Variants in BLTP3A observed in about 807,000 individuals in gnomAD.
BLTP3A encodes ICBP90 binding protein 1.
At chr6:34,829,481 T>C in the BLTP3A span, among the ~76,000 whole-genome samples, 1 of 152,246 alleles carries the variant, frequency 6.6e-6, no homozygotes, top group Non-Finnish European at 1.5e-5. Flanking sequence ...TATACTCATT[T>C]GCTTCCGGCT....
At chr6:34,853,621 C>T in the BLTP3A span, among the ~76,000 whole-genome samples, 5 of 152,018 alleles carry the variant, frequency 3.3e-5, no homozygotes, top group East Asian at 3.9e-4. Flanking sequence ...AGTGCAATGG[C>T]GCCATCTCAG....
At chr6:34,795,736 A>G in the BLTP3A span, among the ~76,000 whole-genome samples, 1 of 152,176 alleles carries the variant, frequency 6.6e-6, no homozygotes, top group African/African-American at 2.4e-5. Flanking sequence ...TTTTAGCAGT[A>G]TATGCTTACA....
the BLTP3A span, among the ~76,000 whole-genome samples, chr6:34,796,175 C>T: frequency 6.6e-6 from 1 of 152,168 alleles, no homozygotes; most frequent in African/African-American, 2.4e-5. Context: ...GCTGATGATG[C>T]CATTTGACCT....
chr6:34,837,527 A>AT, the BLTP3A span, among the ~76,000 whole-genome samples: 26 of 151,880 alleles, frequency 1.7e-4, no homozygotes, highest in African/African-American at 6.0e-4. Context: ...CTTAAAAAAA[A>AT]ATTAGCCAGG....
chr6:34,833,877 G>A, the BLTP3A span, among the ~76,000 whole-genome samples: 45 of 141,378 alleles, frequency 3.2e-4, no homozygotes, highest in African/African-American at 1.0e-3. Flanking sequence ...GGCCGAGATC[G>A]CGCCACTGCA....
At chr6:34,847,247 A>G in the BLTP3A span, among the ~76,000 whole-genome samples, 11 of 150,968 alleles carry the variant, frequency 7.3e-5, no homozygotes, top group African/African-American at 2.4e-4. Flanking sequence ...TTTTTTTTCC[A>G]AGAACACTTT....
At chr6:34,827,286 G>A in the BLTP3A span, among the ~76,000 whole-genome samples, 1 of 151,778 alleles carries the variant, frequency 6.6e-6, no homozygotes, top group African/African-American at 2.4e-5. Context: ...ACTCCAGCCT[G>A]GTGACAGAGT....
chr6:34,792,428 C>G, the BLTP3A span: 9 of 902,390 alleles, frequency 1.0e-5, no homozygotes, highest in Non-Finnish European at 1.4e-5. Context: ...CAGCCCCTGC[C>G]TAACTCGAGC....
the BLTP3A span, among the ~76,000 whole-genome samples, chr6:34,798,752 A>G: frequency 5.3e-5 from 8 of 152,040 alleles, no homozygotes; most frequent in Admixed American, 3.9e-4. Context: ...GTAATGTTCA[A>G]ATTACAAAGG....
chr6:34,822,985 G>A, the BLTP3A span, among the ~76,000 whole-genome samples: 1 of 152,074 alleles, frequency 6.6e-6, no homozygotes. Context: ...CCTACAACTT[G>A]GATTTGTGTT....
At chr6:34,823,272 G>C in the BLTP3A span, 3 of 1,614,094 alleles carry the variant, frequency 1.9e-6, no homozygotes, top group South Asian at 3.3e-5. Flanking sequence ...GGATAAGGTA[G>C]AGGTGGAGAT....
the BLTP3A span, among the ~76,000 whole-genome samples, chr6:34,827,036 G>A: frequency 1.3e-5 from 2 of 152,140 alleles, no homozygotes; most frequent in Admixed American, 1.3e-4. Context: ...AAATAGGCCG[G>A]GCTCAGTGGC....
the BLTP3A span, among the ~76,000 whole-genome samples, chr6:34,800,075 C>CT: frequency 8.0e-4 from 117 of 147,116 alleles, no homozygotes; most frequent in Middle Eastern, 3.5e-3. Flanking sequence ...TCCTATTTAT[C>CT]TTTTTTTTTT....
the BLTP3A span, among the ~76,000 whole-genome samples, chr6:34,808,777 A>C: frequency 5.3e-5 from 8 of 152,166 alleles, 1 homozygote; most frequent in South Asian, 1.7e-3. Context: ...ACAGGGTTTC[A>C]TCATGTTGCC....
At chr6:34,862,912 CT>C in the BLTP3A span, among the ~76,000 whole-genome samples, 89 of 139,530 alleles carry the variant, frequency 6.4e-4, no homozygotes, top group Admixed American at 6.5e-4. Context: ...TGATAATTTG[CT>C]TTTTTTTTTT....
the BLTP3A span, among the ~76,000 whole-genome samples, chr6:34,801,838 C>T: frequency 6.6e-6 from 1 of 152,142 alleles, no homozygotes; most frequent in African/African-American, 2.4e-5. Flanking sequence ...TCCCGGTTCA[C>T]GCCATTCTCC....
At chr6:34,853,517 G>A in the BLTP3A span, among the ~76,000 whole-genome samples, 9 of 151,918 alleles carry the variant, frequency 5.9e-5, no homozygotes, top group African/African-American at 2.2e-4. Context: ...ACTGGAGGGG[G>A]TGTGTTTGGC....
chr6:34,834,380 C>T, the BLTP3A span: 21 of 1,613,348 alleles, frequency 1.3e-5, no homozygotes, highest in Admixed American at 1.0e-4. Flanking sequence ...TCGCCTTACC[C>T]GCATCACTGA....
At chr6:34,834,280 C>T in the BLTP3A span, 1 of 1,614,010 alleles carries the variant, frequency 6.2e-7, no homozygotes, top group Non-Finnish European at 8.5e-7. Context: ...CTATCACCAT[C>T]AAGATTCACT....
Sources: gnomAD v4.1 joint callset for allele counts (sites outside exome capture counted in the v4.1 genomes callset) on GRCh38, gnomAD v4.1.1 for gene constraint, MANE v1.5 for transcripts, NCBI Gene and HGNC (gene_info 2026-07-23, HGNC 2026-07-21) for gene names.